Variants in SLCO2A1 observed in about 807,000 individuals in gnomAD.
SLCO2A1 encodes the protein matrin F/G 1.
Under a neutral mutation model 71.7 loss-of-function variants are expected in SLCO2A1, and 60 were observed. The ratio of observed to expected loss-of-function variants is 0.84; its 90% CI spans 0.68 to 1.04. The LOEUF is 1.04. Among genes scored for constraint, SLCO2A1 ranks in the 50% least tolerant of loss-of-function variants. The pLI is 0.00. For synonymous variants in SLCO2A1, 308 were observed against 326.7 expected (o/e 0.94, Z 0.62); for missense variants, 745 against 813.4 (o/e 0.92, Z 1.02).
intron 1 of SLCO2A1, among the ~76,000 whole-genome samples, chr3:134,026,459 C>T (rs1364243549): frequency 3.3e-5 from 5 of 151,830 alleles, no homozygotes; most frequent in East Asian, 3.9e-4. Flanking sequence ...TAAAAACAGG[C>T]GAACTCCTGG....
chr3:134,005,789 A>G (rs1935203546), intron 1 of SLCO2A1, among the ~76,000 whole-genome samples: 1 of 152,076 alleles, frequency 6.6e-6, no homozygotes, highest in South Asian at 2.1e-4. Context: ...CCCATGTATT[A>G]TAATTTTTGA....
chr3:133,987,020 T>A (rs1292045589), intron 1 of SLCO2A1, among the ~76,000 whole-genome samples: 1 of 152,170 alleles, frequency 6.6e-6, no homozygotes, highest in Non-Finnish European at 1.5e-5. Flanking sequence ...ATTTAATGAC[T>A]GACTGTGCTG....
rs1433925466 is a variant in SLCO2A1 at position 133,954,858 on chromosome 3, G to C, written c.625+108C>G. On this transcript the variant is annotated intron_variant, in intron 4 of 13. Coordinates refer to ENST00000310926, the MANE Select transcript of SLCO2A1 (RefSeq NM_005630.3). ...CCCAGGCCTCTGAACTCATTTGCTG[G>C]GTTGTAAGCAAAGAGGGTGGGACCT... 1.7e-5 allele frequency: 14 copies of C among 828,944 alleles called. 1 individual carries two copies. The South Asian group carries it at 2.3e-4, about 13-fold the overall frequency. The allele number at this position is 828,944 out of a possible 1,614,324, so 51.3% of individuals were successfully genotyped here.
intron 3 of SLCO2A1, among the ~76,000 whole-genome samples, chr3:133,969,177 A>G (rs1934265494): frequency 6.6e-6 from 1 of 152,210 alleles, no homozygotes; most frequent in African/African-American, 2.4e-5. Context: ...CATGCCTATA[A>G]TCCCAGCACT....
At chr3:133,973,012 T>G (rs185948349) in intron 3 of SLCO2A1, among the ~76,000 whole-genome samples, 55 of 152,330 alleles carry the variant, frequency 3.6e-4, no homozygotes, top group Middle Eastern at 3.4e-3. Flanking sequence ...TTTATAATAA[T>G]GACCACTGTG....
intron 10 of SLCO2A1, 74 bp downstream of exon 10, chr3:133,945,021 A>G: frequency 6.7e-7 from 1 of 1,500,552 alleles, no homozygotes; most frequent in Non-Finnish European, 9.0e-7. Flanking sequence ...GCCGAGAAAC[A>G]GTCTTTGAGG....
chr3:133,942,564 G>T, intron 11 of SLCO2A1, 41 bp downstream of exon 11: 1 of 1,561,094 alleles, frequency 6.4e-7, no homozygotes, highest in Non-Finnish European at 8.7e-7. Context: ...ATGTGGGGAA[G>T]GAGAAGCCAC....
intron 3 of SLCO2A1, among the ~76,000 whole-genome samples, chr3:133,958,517 T>G (rs1933948420): frequency 6.6e-6 from 1 of 152,162 alleles, no homozygotes; most frequent in Admixed American, 6.5e-5. Context: ...GGCCCCATGC[T>G]CTTCTCAGGA....
At chr3:133,987,584 T>A (rs937721745) in intron 1 of SLCO2A1, among the ~76,000 whole-genome samples, 4 of 152,222 alleles carry the variant, frequency 2.6e-5, no homozygotes, top group African/African-American at 9.6e-5. Flanking sequence ...GATTGAAGTC[T>A]CCTGTCTCCC....
intron 3 of SLCO2A1, among the ~76,000 whole-genome samples, chr3:133,968,103 C>T (rs1379882289): frequency 6.8e-6 from 1 of 146,466 alleles, no homozygotes; most frequent in African/African-American, 2.6e-5. Context: ...AACCCTCACC[C>T]CACAACTCCA....
intron 1 of SLCO2A1, among the ~76,000 whole-genome samples, chr3:134,019,788 T>C (rs1017312463): frequency 6.6e-6 from 1 of 152,144 alleles, no homozygotes; most frequent in Non-Finnish European, 1.5e-5. Flanking sequence ...TTTGCAGGAA[T>C]GTCCAAAGTG....
At chr3:133,974,542 C>G (rs1934405882) in intron 2 of SLCO2A1, among the ~76,000 whole-genome samples, 1 of 152,190 alleles carries the variant, frequency 6.6e-6, no homozygotes, top group African/African-American at 2.4e-5. Flanking sequence ...CTGCCTTGGT[C>G]TGTTTTCAAT....
intron 1 of SLCO2A1, among the ~76,000 whole-genome samples, chr3:134,024,085 A>T (rs1421037095): frequency 6.6e-6 from 1 of 152,230 alleles, no homozygotes; most frequent in East Asian, 1.9e-4. Context: ...AGAGCTTATC[A>T]ATCAGTCAGC....
At chr3:133,936,419 T>A (rs1307129159) in intron 12 of SLCO2A1, among the ~76,000 whole-genome samples, 1 of 152,176 alleles carries the variant, frequency 6.6e-6, no homozygotes, top group East Asian at 1.9e-4. Context: ...CAAGCTGCCC[T>A]ATTGGATTAG....
rs767876255 is a variant in SLCO2A1, at chr3:133,973,641, G to T, written c.397+22C>A. ...GTTCACCCATTCCTTACCCCTTGAG[G>T]CAGGGGTTGGAAGCCACTCACCAGT... On this transcript the variant is annotated intron_variant, in intron 3 of 13. Transcript: ENST00000310926. 1.9e-6 allele frequency: 3 copies of T among 1,611,066 alleles called. No individual in the cohort carries two copies. The South Asian group carries it at 3.3e-5, about 18-fold the overall frequency.
At chr3:134,021,664 G>A (rs930848343) in intron 1 of SLCO2A1, among the ~76,000 whole-genome samples, 1 of 151,322 alleles carries the variant, frequency 6.6e-6, no homozygotes, top group Non-Finnish European at 1.5e-5. Context: ...AAAGAGAAAG[G>A]CAGTGAAAGA....
intron 5 of SLCO2A1, among the ~76,000 whole-genome samples, chr3:133,953,376 G>A (rs76544718): frequency 0.033 from 5,083 of 152,334 alleles, 144 homozygotes; most frequent in Non-Finnish European, 0.054. Context: ...GGGCGCTGTG[G>A]TGGCAACACC....
intron 10 of SLCO2A1, 117 bp downstream of exon 10, chr3:133,944,978 T>C: frequency 4.6e-6 from 5 of 1,093,474 alleles, no homozygotes; most frequent in Non-Finnish European, 6.5e-6. Flanking sequence ...ATGCTGGTAA[T>C]GAGTGTGTGT....
intron 11 of SLCO2A1, 139 bp from the exon 12 acceptor site, chr3:133,938,632 G>A (rs1933335624): frequency 4.1e-6 from 3 of 730,206 alleles, no homozygotes; most frequent in Non-Finnish European, 7.4e-6. Context: ...GGGTTCACCT[G>A]GGCTGAATGC....
Sources: allele counts gnomAD v4.1 joint callset (sites outside exome capture counted in the v4.1 genomes callset), GRCh38; gene constraint gnomAD v4.1.1; transcripts MANE v1.5; gene names NCBI Gene and HGNC (gene_info 2026-07-23, HGNC 2026-07-21).